Variants in GHR observed in about 807,000 individuals in gnomAD.
GHR encodes GH receptor.
A neutral mutation model predicts 67.1 loss-of-function variants in GHR; 35 were observed. The observed-to-expected ratio is 0.52, with a 90% CI of 0.40 to 0.69. The LOEUF is 0.69. Among genes scored for constraint, GHR ranks in the 30% least tolerant of loss-of-function variants. The pLI, the probability that GHR is intolerant of heterozygous loss-of-function variation, is 0.00. For synonymous variants in GHR, 272 were observed against 269.1 expected, an observed-to-expected ratio of 1.01 and a Z score of -0.10; for missense variants, 792 against 764.6, an observed-to-expected ratio of 1.04 and a Z score of -0.42.
In GHR at chr5:42,568,329, G is replaced by A. The variant is rs76989208; in HGVS notation, c.70+2385G>A. ...TAAAGTGTTGTAATAGATGTTTTCT[G>A]TCTCTCATCCTTAATATGAAGTTCT... On this transcript the variant is annotated intron_variant, in intron 2 of 9. Transcript: ENST00000230882. 8.5e-3 allele frequency among the ~76,000 whole-genome samples: 1,292 copies of A among 152,230 alleles called. 8 individuals carry two copies. The highest frequency in any genetic ancestry group is 0.02 in the South Asian group (94 of 4,816).
At chr5:42,646,831 A>G (rs1381565567) in intron 3 of GHR, among the ~76,000 whole-genome samples, 1 of 151,974 alleles carries the variant, frequency 6.6e-6, no homozygotes, top group East Asian at 1.9e-4. Context: ...CCCACCCTAG[A>G]TTTTCAAATT....
chr5:42,497,948 A>G (rs1356878127), intron 1 of GHR, among the ~76,000 whole-genome samples: 1 of 152,066 alleles, frequency 6.6e-6, no homozygotes, highest in Non-Finnish European at 1.5e-5. Context: ...AAGTCATACA[A>G]TCAATGGATT....
chr5:42,673,020 C>G (rs1182815260), intron 3 of GHR, among the ~76,000 whole-genome samples: 2 of 152,046 alleles, frequency 1.3e-5, no homozygotes, highest in Non-Finnish European at 2.9e-5. Context: ...TGCTTCCAAC[C>G]AAGATCTAAT....
intron 1 of GHR, among the ~76,000 whole-genome samples, chr5:42,548,780 A>G (rs532248749): frequency 1.3e-5 from 2 of 152,264 alleles, no homozygotes; most frequent in Admixed American, 1.3e-4. Flanking sequence ...TGGAGTTTAT[A>G]AAGTATTCTT....
chr5:42,577,934 G>A (rs561393721), intron 2 of GHR, among the ~76,000 whole-genome samples: 4 of 152,178 alleles, frequency 2.6e-5, no homozygotes, highest in Admixed American at 6.5e-5. Context: ...TATATAGTAC[G>A]TTAAGTAAAT....
chr5:42,483,182 G>T (rs1248317676), intron 1 of GHR, among the ~76,000 whole-genome samples: 23 of 152,168 alleles, frequency 1.5e-4, no homozygotes, highest in Admixed American at 1.5e-3. Context: ...GATTCGAGTA[G>T]CTAGGACTAC....
At chr5:42,635,149 T>C (rs112111725) in intron 3 of GHR, among the ~76,000 whole-genome samples, 2 of 152,170 alleles carry the variant, frequency 1.3e-5, no homozygotes, top group African/African-American at 4.8e-5. Context: ...TAAACATAGA[T>C]TCTTGCAATC....
intron 2 of GHR, among the ~76,000 whole-genome samples, chr5:42,600,340 G>A (rs1176636709): frequency 6.6e-6 from 1 of 152,222 alleles, no homozygotes; most frequent in Non-Finnish European, 1.5e-5. Flanking sequence ...GGGAGAAGTT[G>A]AGCTGCAAAG....
chr5:42,702,674 G>T (rs576055036), intron 6 of GHR, among the ~76,000 whole-genome samples: 45 of 151,978 alleles, frequency 3.0e-4, no homozygotes, highest in Admixed American at 5.9e-4. Flanking sequence ...AGTGTGCAAG[G>T]GTTCCCTTTT....
intron 1 of GHR, among the ~76,000 whole-genome samples, chr5:42,558,470 T>C (rs939127052): frequency 2.6e-5 from 4 of 152,212 alleles, no homozygotes; most frequent in Non-Finnish European, 5.9e-5. Flanking sequence ...AAGCCACATA[T>C]GTAATTTAAA....
intron 3 of GHR, among the ~76,000 whole-genome samples, chr5:42,683,572 G>A (rs1756990865): frequency 6.6e-6 from 1 of 152,132 alleles, no homozygotes; most frequent in East Asian, 1.9e-4. Context: ...GAGAAGACAG[G>A]AATCATTGGA....
At chr5:42,530,138 G>A (rs1211839960) in intron 1 of GHR, among the ~76,000 whole-genome samples, 1 of 148,878 alleles carries the variant, frequency 6.7e-6, no homozygotes, top group Non-Finnish European at 1.5e-5. Flanking sequence ...ATTTTATAAT[G>A]ATCACCATGA....
intron 3 of GHR, among the ~76,000 whole-genome samples, chr5:42,671,913 G>A (rs1295899775): frequency 1.4e-4 from 19 of 137,520 alleles, no homozygotes; most frequent in East Asian, 6.8e-4. Context: ...CCGAGATCCC[G>A]CCACTGCACT....
chr5:42,521,358 G>A (rs1747466407), intron 1 of GHR, among the ~76,000 whole-genome samples: 1 of 152,168 alleles, frequency 6.6e-6, no homozygotes, highest in Non-Finnish European at 1.5e-5. Flanking sequence ...GTTACAGGAT[G>A]GCATCTCAGA....
intron 2 of GHR, among the ~76,000 whole-genome samples, chr5:42,574,023 T>G (rs1237236302): frequency 6.6e-6 from 1 of 152,182 alleles, no homozygotes; most frequent in African/African-American, 2.4e-5. Flanking sequence ...TCCCAAAAAA[T>G]GAGAGGTCAT....
chr5:42,447,729 CTCTT>C (rs1380554444), intron 1 of GHR, among the ~76,000 whole-genome samples: 2 of 129,112 alleles, frequency 1.5e-5, no homozygotes, highest in Non-Finnish European at 3.2e-5. Flanking sequence ...CCCTCTCTCT[CTCTT>C]TCTTTCTTTC....
rs7444267 is a variant in GHR, at chr5:42,697,557, C to T, written c.440-2267C>T. Among the ~76,000 whole-genome samples the T allele has an allele frequency of 2.0e-5, 3 of 148,626 alleles. No homozygotes were observed. The East Asian group carries it at 6.0e-4, about 30-fold the overall frequency. On this transcript the variant is annotated intron_variant, in intron 5 of 9. Coordinates refer to ENST00000230882, the MANE Select transcript of GHR (RefSeq NM_000163.5). ...AAGGGCATTTCAGCAAGGGGGCACG[C>T]CAGAAGAAAGATCTCAAAGTAGGAG...
At chr5:42,537,589 C>G (rs559096975) in intron 1 of GHR, among the ~76,000 whole-genome samples, 5 of 152,056 alleles carry the variant, frequency 3.3e-5, no homozygotes, top group Non-Finnish European at 7.4e-5. Flanking sequence ...ATGGTCTATT[C>G]TTGGAGAAAG....
intron 2 of GHR, among the ~76,000 whole-genome samples, chr5:42,612,806 C>G (rs887638099): frequency 6.6e-6 from 1 of 152,102 alleles, no homozygotes; most frequent in Admixed American, 6.5e-5. Flanking sequence ...ACTGCACCTT[C>G]CAGGAGAGAT....
Sources: allele counts gnomAD v4.1 joint callset (sites outside exome capture counted in the v4.1 genomes callset), GRCh38; gene constraint gnomAD v4.1.1; transcripts MANE v1.5; gene names NCBI Gene and HGNC (gene_info 2026-07-23, HGNC 2026-07-21).